OR7C1: variants seen among roughly 807,000 people sequenced by gnomAD.
OR7C1 encodes olfactory receptor family 7 subfamily C member 1.
For synonymous variants in OR7C1, 152 were observed against 160.7 expected, an observed-to-expected ratio of 0.95 and a Z score of 0.41; for missense variants, 324 against 383.3, an observed-to-expected ratio of 0.85 and a Z score of 1.29.
At chr19:14,818,062 T>TTTATTTATTTATTTATTTA (rs1555695177) in intron 1 of OR7C1, among the ~76,000 whole-genome samples, 4 of 139,458 alleles carry the variant, frequency 2.9e-5, no homozygotes, top group Non-Finnish European at 6.1e-5. Flanking sequence ...ATTTTATTTA[T>TTTATTTATTTATTTATTTA]TTTATTTATT....
chr19:14,819,391 G>T (rs2044731032), intron 1 of OR7C1, among the ~76,000 whole-genome samples: 1 of 151,848 alleles, frequency 6.6e-6, no homozygotes, highest in South Asian at 2.1e-4. Flanking sequence ...TCACTCTTCA[G>T]CTCCCAGTTA....
intron 1 of OR7C1, among the ~76,000 whole-genome samples, chr19:14,813,320 T>C (rs1313942095): frequency 6.6e-6 from 1 of 152,044 alleles, no homozygotes; most frequent in Admixed American, 6.6e-5. Context: ...TTTGGGAGGC[T>C]GAGGTGGGCG....
intron 1 of OR7C1, among the ~76,000 whole-genome samples, chr19:14,818,327 C>G (rs564478919): frequency 1.7e-3 from 258 of 152,216 alleles, no homozygotes; most frequent in Non-Finnish European, 2.8e-3. Flanking sequence ...ATCTCCTGAC[C>G]TCGTGATCCG....
At chr19:14,799,990 T>G in exon 5 of OR7C1, 1 of 1,613,888 alleles carries the variant, frequency 6.2e-7, no homozygotes, top group Non-Finnish European at 8.5e-7. Flanking sequence ...AGTCTGAGCA[T>G]ATGGCCAGGA....
intron 1 of OR7C1, among the ~76,000 whole-genome samples, chr19:14,820,920 GTGAGAGAAAGGCC>G (rs2044738144): frequency 6.6e-6 from 1 of 152,154 alleles, no homozygotes; most frequent in African/African-American, 2.4e-5. Flanking sequence ...ACAAGGAAAA[GTGAGAGAAAGGCC>G]TGCCTCATCT....
At chr19:14,820,571 C>T (rs185151224) in intron 1 of OR7C1, among the ~76,000 whole-genome samples, 257 of 151,254 alleles carry the variant, frequency 1.7e-3, no homozygotes, top group Non-Finnish European at 3.2e-3. Context: ...AAAAAAATCA[C>T]ACAGGAAAAA....
chr19:14,802,511 ACT>A lies in OR7C1; in HGVS notation c.-434-1749_-434-1748del, dbSNP rs543546361. Among the ~76,000 whole-genome samples the A allele has an allele frequency of 1.5e-3, 229 of 152,290 alleles. 2 individuals are homozygous for A. The highest frequency in any genetic ancestry group is 5.1e-3 in the African/African-American group (212 of 41,558). On this transcript the variant is annotated intron_variant, in intron 2 of 4. Coordinates refer to ENST00000641666, the Ensembl canonical transcript of OR7C1. ...CTCCAGCCTGGGTGACAAGAGTGAA[ACT>A]CTGTCTCCAAATAATAATTAAAGAA...
intron 1 of OR7C1, among the ~76,000 whole-genome samples, chr19:14,830,522 A>T (rs2145083102): frequency 6.6e-6 from 1 of 152,332 alleles, no homozygotes; most frequent in South Asian, 2.1e-4. Flanking sequence ...GGTTATGGTT[A>T]CATTTCAGCT....
chr19:14,827,824 G>A (rs1191488535), intron 1 of OR7C1: 1 of 1,614,004 alleles, frequency 6.2e-7, no homozygotes, highest in African/African-American at 1.3e-5. Context: ...AGTCCACAGA[G>A]GTGAGGGTTC....
At chr19:14,803,699 A>AATG (rs2044652919) in intron 2 of OR7C1, among the ~76,000 whole-genome samples, 3 of 150,850 alleles carry the variant, frequency 2.0e-5, no homozygotes, top group African/African-American at 7.3e-5. Context: ...CTACCTAAAT[A>AATG]ATAATAATAA....
At chr19:14,831,989 G>A (rs1034189570) in intron 1 of OR7C1, among the ~76,000 whole-genome samples, 19 of 152,056 alleles carry the variant, frequency 1.2e-4, no homozygotes, top group African/African-American at 4.1e-4. Flanking sequence ...GCTCACTGCA[G>A]CCTCAAATTT....
At chr19:14,824,236 T>A (rs1375903729) in intron 1 of OR7C1, 1 of 152,192 alleles carries the variant, frequency 6.6e-6, no homozygotes, top group East Asian at 1.9e-4. Flanking sequence ...CTTTTTCAAC[T>A]TTTATTTTAG....
At chr19:14,834,205 T>C (rs2044862023) in intron 1 of OR7C1, among the ~76,000 whole-genome samples, 2 of 152,154 alleles carry the variant, frequency 1.3e-5, no homozygotes, top group Admixed American at 1.3e-4. Context: ...GAGGCAGCAG[T>C]GAGCTGAGAT....
chr19:14,821,424 C>G (rs2044740684), intron 1 of OR7C1: 3 of 152,200 alleles, frequency 2.0e-5, no homozygotes, highest in Admixed American at 1.3e-4. Flanking sequence ...GCTACCTGTT[C>G]TCCCAACAGT....
intron 1 of OR7C1, among the ~76,000 whole-genome samples, chr19:14,820,982 G>T (rs1322927088): frequency 1.3e-5 from 2 of 152,172 alleles, no homozygotes; most frequent in Non-Finnish European, 2.9e-5. Flanking sequence ...GGCCGGGCAT[G>T]GTGGCTCACA....
intron 1 of OR7C1, among the ~76,000 whole-genome samples, chr19:14,815,784 C>CGT (rs34655691): frequency 0.11 from 16,139 of 146,488 alleles, 1,314 homozygotes; most frequent in African/African-American, 0.23. Context: ...TGAGTTTGTG[C>CGT]GTGTGTGTGT....
chr19:14,802,242 G>A (rs2044645440), intron 2 of OR7C1, among the ~76,000 whole-genome samples: 1 of 152,198 alleles, frequency 6.6e-6, no homozygotes, highest in Non-Finnish European at 1.5e-5. Context: ...CCAATGGGCC[G>A]GGCGTGGTGG....
chr19:14,824,594 A>G (rs1465384326), intron 1 of OR7C1: 1 of 152,186 alleles, frequency 6.6e-6, no homozygotes, highest in Non-Finnish European at 1.5e-5. Context: ...CCTGGTGTGT[A>G]CATACTACAT....
intron 1 of OR7C1, among the ~76,000 whole-genome samples, chr19:14,819,272 A>G (rs2044730483): frequency 6.6e-6 from 1 of 152,004 alleles, no homozygotes; most frequent in Non-Finnish European, 1.5e-5. Context: ...TCACCTAGGT[A>G]TTAAGCCCAG....
Sources: gnomAD v4.1 joint callset for allele counts (sites outside exome capture counted in the v4.1 genomes callset) on GRCh38, gnomAD v4.1.1 for gene constraint, MANE v1.5 for transcripts, NCBI Gene and HGNC (gene_info 2026-07-23, HGNC 2026-07-21) for gene names.